The following PSMB7 variants were observed in gnomAD, a reference collection of about 807,000 sequenced individuals.
The protein encoded by PSMB7 is proteasome subunit beta type-7.
In PSMB7, 5 loss-of-function variants were observed where a neutral mutation model predicts 28.1. The observed-to-expected ratio is 0.18, with a 90% CI of 0.09 to 0.37. The LOEUF is 0.37. Ranked by LOEUF, PSMB7 falls within the 10% of genes least tolerant of loss-of-function variation. The pLI is 1.00. For synonymous variants in PSMB7, 122 were observed against 123.7 expected, an observed-to-expected ratio of 0.99 and a Z score of 0.09; for missense variants, 275 against 346.2, an observed-to-expected ratio of 0.79 and a Z score of 1.63.
intron 4 of PSMB7, among the ~76,000 whole-genome samples, chr9:124,407,901 C>T (rs768616675): frequency 1.3e-5 from 2 of 152,092 alleles, no homozygotes; most frequent in African/African-American, 2.4e-5. Context: ...AATCCCAAAA[C>T]CTAGGGAGGT....
At chr9:124,359,066 T>TAA (rs1830442467) in intron 6 of PSMB7, among the ~76,000 whole-genome samples, 1 of 152,270 alleles carries the variant, frequency 6.6e-6, no homozygotes, top group South Asian at 2.1e-4. Context: ...AAACAGTCTG[T>TAA]AAGTAACTGA....
At chr9:124,366,992 C>G (rs747492541) in intron 6 of PSMB7, among the ~76,000 whole-genome samples, 32 of 152,360 alleles carry the variant, frequency 2.1e-4, no homozygotes, top group Middle Eastern at 6.8e-3. Context: ...GAATGTGTCC[C>G]TGTCGTTAAG....
At chr9:124,361,835 C>T (rs1326076268) in intron 6 of PSMB7, among the ~76,000 whole-genome samples, 1 of 152,200 alleles carries the variant, frequency 6.6e-6, no homozygotes, top group Non-Finnish European at 1.5e-5. Context: ...CACTATAGTG[C>T]AGGTCCAAAA....
rs1191436481 is a variant in PSMB7, at chr9:124,378,277, AAC to A, written c.570+6319_570+6320del. Among the ~76,000 whole-genome samples, 6 of 152,348 alleles carry A rather than the reference AAC, an allele frequency of 3.9e-5. No homozygotes were observed. In the East Asian group the frequency reaches 5.8e-4, roughly 15 times the overall value. ...ATGCCAAATGCATAACAGAATGAAAAACAGTTTCTATTCTTCAAATAAATGCT... is the reference window on the plus strand; with the variant it reads ...ATGCCAAATGCATAACAGAATGAAAAAGTTTCTATTCTTCAAATAAATGCT... On this transcript the variant is annotated intron_variant, in intron 6 of 7. Coordinates refer to ENST00000259457, the MANE Select transcript of PSMB7 (RefSeq NM_002799.4).
Position 124,415,428 on chromosome 9 carries a change from T to A in PSMB7, c.-3A>T. 1 of 1,613,994 alleles carries A rather than the reference T, an allele frequency of 6.2e-7. No homozygotes were observed. The highest frequency in any genetic ancestry group is 8.5e-7 in the Non-Finnish European group (1 of 1,179,956). Reference sequence around the variant, plus strand: ...GCATACACCGACACAGCCGCCATCTTCCCAAGAAAGCAGTTCCGGGTCGGA... The same window carrying A: ...GCATACACCGACACAGCCGCCATCTACCCAAGAAAGCAGTTCCGGGTCGGA... On this transcript the variant is annotated 5_prime_UTR_variant, in exon 1 of 8. Coordinates refer to ENST00000259457, the MANE Select transcript of PSMB7 (RefSeq NM_002799.4).
intron 6 of PSMB7, among the ~76,000 whole-genome samples, chr9:124,379,766 T>C (rs1321994373): frequency 6.6e-6 from 1 of 152,216 alleles, no homozygotes; most frequent in African/African-American, 2.4e-5. Context: ...TGTGCCCCAA[T>C]ACTGCACGCT....
intron 5 of PSMB7, among the ~76,000 whole-genome samples, chr9:124,399,262 G>C (rs143183370): frequency 6.6e-6 from 1 of 152,352 alleles, no homozygotes; most frequent in Non-Finnish European, 1.5e-5. Context: ...GGCTCCGTGA[G>C]ACCCTGAGAG....
intron 6 of PSMB7, among the ~76,000 whole-genome samples, chr9:124,370,348 A>G (rs1486920938): frequency 1.3e-5 from 2 of 150,038 alleles, no homozygotes; most frequent in African/African-American, 2.4e-5. Flanking sequence ...TACACTTGAT[A>G]TAGGCTGTCA....
intron 2 of PSMB7, 82 bp downstream of exon 2, chr9:124,414,760 G>A (rs1428355475): frequency 4.2e-6 from 5 of 1,183,430 alleles, no homozygotes; most frequent in Non-Finnish European, 6.3e-6. Flanking sequence ...TCCAGACCGA[G>A]CCGGGAGAGA....
chr9:124,382,410 G>T (rs1830677068), intron 6 of PSMB7, among the ~76,000 whole-genome samples: 1 of 151,582 alleles, frequency 6.6e-6, no homozygotes, highest in Admixed American at 6.6e-5. Flanking sequence ...GTTTCACCAT[G>T]TTGGTCAGGC....
intron 4 of PSMB7, 40 bp downstream of exon 4, chr9:124,412,309 TGAG>T (rs1334488500): frequency 1.1e-5 from 18 of 1,573,820 alleles, no homozygotes; most frequent in Middle Eastern, 3.4e-4. Context: ...ATCTAAGATA[TGAG>T]AAGAAGATAC....
At chr9:124,413,285 G>A (rs964503219) in intron 3 of PSMB7, among the ~76,000 whole-genome samples, 1 of 151,694 alleles carries the variant, frequency 6.6e-6, no homozygotes, top group Non-Finnish European at 1.5e-5. Flanking sequence ...ATAAGCAACG[G>A]TAGAATAGCT....
intron 5 of PSMB7, among the ~76,000 whole-genome samples, chr9:124,403,871 AAGACC>A (rs1830936374): frequency 6.6e-6 from 1 of 150,752 alleles, no homozygotes. Flanking sequence ...CCTTCTTCAT[AAGACC>A]TGTCCTGACA....
intron 4 of PSMB7, among the ~76,000 whole-genome samples, chr9:124,407,266 A>T (rs1830975367): frequency 6.6e-6 from 1 of 152,248 alleles, no homozygotes; most frequent in Non-Finnish European, 1.5e-5. Flanking sequence ...AAGTAAACAG[A>T]ACAGTGGTCC....
intron 4 of PSMB7, among the ~76,000 whole-genome samples, chr9:124,409,792 T>C (rs1175225872): frequency 1.3e-5 from 2 of 152,190 alleles, no homozygotes; most frequent in African/African-American, 4.8e-5. Flanking sequence ...GTCAGTGCTG[T>C]AGGTGGGAGA....
intron 5 of PSMB7, among the ~76,000 whole-genome samples, chr9:124,400,013 G>A (rs1427794506): frequency 1.3e-5 from 2 of 152,062 alleles, no homozygotes; most frequent in South Asian, 4.2e-4. Context: ...CTGCTTTCCA[G>A]CCTTGCCTCT....
intron 5 of PSMB7, among the ~76,000 whole-genome samples, chr9:124,396,064 C>G (rs997405339): frequency 6.6e-6 from 1 of 152,204 alleles, no homozygotes; most frequent in Middle Eastern, 3.2e-3. Flanking sequence ...CAGCAACACA[C>G]GGCTATGAAG....
chr9:124,383,316 T>A (rs1453636521), intron 6 of PSMB7, among the ~76,000 whole-genome samples: 1 of 152,250 alleles, frequency 6.6e-6, no homozygotes, highest in Non-Finnish European at 1.5e-5. Context: ...TTATCATTTT[T>A]AGTGTAAAAC....
chr9:124,373,453 A>G (rs1350638317), intron 6 of PSMB7, among the ~76,000 whole-genome samples: 2 of 152,234 alleles, frequency 1.3e-5, no homozygotes, highest in African/African-American at 4.8e-5. Context: ...GAAAGCCAAT[A>G]AGCAGGAATT....
Sources: allele counts gnomAD v4.1 joint callset (sites outside exome capture counted in the v4.1 genomes callset), GRCh38; gene constraint gnomAD v4.1.1; transcripts MANE v1.5; gene names NCBI Gene and HGNC (gene_info 2026-07-23, HGNC 2026-07-21).